GBE1: variants seen among roughly 807,000 people sequenced by gnomAD.
GBE1 encodes 1,4-alpha-glucan branching enzyme 1.
A neutral mutation model predicts 88.8 loss-of-function variants in GBE1; 70 were observed. The ratio of observed to expected loss-of-function variants is 0.79; its 90% CI spans 0.65 to 0.96. The LOEUF (loss-of-function observed/expected upper bound fraction) is 0.96. Ranked by LOEUF, GBE1 falls within the 40% of genes least tolerant of loss-of-function variation. GBE1 has a pLI of 0.00. For missense variants in GBE1, 872 were observed against 871.0 expected (o/e 1.00, Z -0.01); for synonymous variants, 284 against 300.1 (o/e 0.95, Z 0.56).
chr3:81,737,322 T>C (rs1161208184), intron 1 of GBE1, among the ~76,000 whole-genome samples: 1 of 84,348 alleles, frequency 1.2e-5, no homozygotes, highest in Non-Finnish European at 2.3e-5. Flanking sequence ...TATATATATT[T>C]ATATATATTT....
At chr3:81,571,626 G>A (rs1703576305) in intron 12 of GBE1, among the ~76,000 whole-genome samples, 1 of 152,070 alleles carries the variant, frequency 6.6e-6, no homozygotes, top group Admixed American at 6.6e-5. Context: ...ACAATCCCCA[G>A]GAGGAAGAAG....
intron 7 of GBE1, among the ~76,000 whole-genome samples, chr3:81,601,243 T>C (rs1704029211): frequency 6.6e-6 from 1 of 152,050 alleles, no homozygotes; most frequent in Non-Finnish European, 1.5e-5. Context: ...GGCTGTGAAA[T>C]GATATTTTAT....
intron 2 of GBE1, among the ~76,000 whole-genome samples, chr3:81,702,704 G>T (rs1705717855): frequency 6.6e-6 from 1 of 151,982 alleles, no homozygotes; most frequent in Admixed American, 6.6e-5. Flanking sequence ...AATTTTAAAA[G>T]TCAATGTAAA....
At chr3:81,670,432 C>A (rs1365993618) in intron 3 of GBE1, among the ~76,000 whole-genome samples, 1 of 152,198 alleles carries the variant, frequency 6.6e-6, no homozygotes, top group African/African-American at 2.4e-5. Context: ...GCGTCCAACA[C>A]AGCATCCCCT....
At chr3:81,725,369 C>G (rs747242449) in intron 1 of GBE1, among the ~76,000 whole-genome samples, 5 of 152,036 alleles carry the variant, frequency 3.3e-5, no homozygotes, top group African/African-American at 1.2e-4. Context: ...TCAGGATTAT[C>G]AATATCACTG....
chr3:81,640,862 C>G (rs1016835407), intron 7 of GBE1, among the ~76,000 whole-genome samples: 11 of 151,640 alleles, frequency 7.3e-5, no homozygotes, highest in African/African-American at 2.7e-4. Flanking sequence ...ATAAATTAAG[C>G]TAAAACTATA....
At chr3:81,491,699 C>G (rs1231336913) in intron 15 of GBE1, among the ~76,000 whole-genome samples, 2 of 151,864 alleles carry the variant, frequency 1.3e-5, no homozygotes, top group East Asian at 3.9e-4. Flanking sequence ...CACTTTATCT[C>G]TAAATGAAAG....
At position 81,640,495 on chromosome 3, in the gene GBE1, T is replaced by C. The variant is rs75248777; in HGVS notation, c.992+2286A>G. ...ACTATCGGCTTCCCTACTTTTGAGG[T>C]TTGGGGACTCAGACTAGCTCCCTGG... On this transcript the variant is annotated intron_variant, in intron 7 of 15. Transcript: ENST00000429644. Among the ~76,000 whole-genome samples the C allele has an allele frequency of 9.5e-3, 1,440 of 152,210 alleles. 17 individuals carry two copies. Among genetic ancestry groups the C allele is most frequent in the African/African-American group, 0.033 (1,373 of 41,534 alleles).
At chr3:81,611,593 G>A (rs759199673) in intron 7 of GBE1, among the ~76,000 whole-genome samples, 2 of 152,112 alleles carry the variant, frequency 1.3e-5, no homozygotes, top group African/African-American at 2.4e-5. Flanking sequence ...TACGAAATGA[G>A]CTATCTTACA....
At chr3:81,685,369 G>A (rs552432210) in intron 2 of GBE1, among the ~76,000 whole-genome samples, 5 of 151,992 alleles carry the variant, frequency 3.3e-5, no homozygotes, top group African/African-American at 1.2e-4. Flanking sequence ...CTTGTTCAAG[G>A]CTAATTCCTT....
chr3:81,606,759 C>T (rs1365401886), intron 7 of GBE1, among the ~76,000 whole-genome samples: 1 of 152,204 alleles, frequency 6.6e-6, no homozygotes, highest in African/African-American at 2.4e-5. Flanking sequence ...CCCAGTTACT[C>T]TGCCAACCAT....
chr3:81,680,830 T>C (rs1705330805), intron 2 of GBE1, among the ~76,000 whole-genome samples: 1 of 152,232 alleles, frequency 6.6e-6, no homozygotes, highest in South Asian at 2.1e-4. Flanking sequence ...CATGTGAGAA[T>C]ACACTGTGAG....
chr3:81,622,949 A>C (rs1198011937), intron 7 of GBE1, among the ~76,000 whole-genome samples: 9 of 152,186 alleles, frequency 5.9e-5, no homozygotes. Flanking sequence ...GGACTATTGC[A>C]ATACAAATAT....
chr3:81,647,023 C>G (rs982773225), intron 5 of GBE1, among the ~76,000 whole-genome samples: 1 of 142,002 alleles, frequency 7.0e-6, no homozygotes, highest in Non-Finnish European at 1.5e-5. Context: ...GTGGCTTGAT[C>G]TCAGCTCACT....
intron 3 of GBE1, among the ~76,000 whole-genome samples, chr3:81,664,977 A>G (rs1348025910): frequency 6.6e-6 from 1 of 152,182 alleles, no homozygotes; most frequent in Non-Finnish European, 1.5e-5. Context: ...AATTTATATT[A>G]TTTCATTACA....
intron 1 of GBE1, among the ~76,000 whole-genome samples, chr3:81,707,632 G>T (rs1451082778): frequency 6.6e-6 from 1 of 151,724 alleles, no homozygotes; most frequent in Admixed American, 6.6e-5. Context: ...GAGTGAAAGG[G>T]GGATGAAATT....
chr3:81,623,935 T>A (rs1704367379), intron 7 of GBE1, among the ~76,000 whole-genome samples: 1 of 152,144 alleles, frequency 6.6e-6, no homozygotes, highest in Non-Finnish European at 1.5e-5. Context: ...CCTCCCAAAG[T>A]ACGAAAATTA....
At chr3:81,555,592 G>T (rs1225084829) in intron 12 of GBE1, among the ~76,000 whole-genome samples, 2 of 152,118 alleles carry the variant, frequency 1.3e-5, no homozygotes, top group South Asian at 4.1e-4. Context: ...AAGTTTCTTT[G>T]CTATCTTTTG....
chr3:81,622,937 C>G (rs1704352915), intron 7 of GBE1, among the ~76,000 whole-genome samples: 1 of 152,196 alleles, frequency 6.6e-6, no homozygotes, highest in African/African-American at 2.4e-5. Flanking sequence ...CAGCTTCTCA[C>G]TGGACTATTG....
Sources: allele counts gnomAD v4.1 joint callset (sites outside exome capture counted in the v4.1 genomes callset), GRCh38; gene constraint gnomAD v4.1.1; transcripts MANE v1.5; gene names NCBI Gene and HGNC (gene_info 2026-07-23, HGNC 2026-07-21).